The following ZNF609 variants were observed in gnomAD, a reference collection of about 807,000 sequenced individuals.
ZNF609 encodes zinc finger protein 609.
In ZNF609, 11 loss-of-function variants were observed where a neutral mutation model predicts 109.5. That is an observed-to-expected ratio of 0.10 (90% CI 0.06 to 0.17). ZNF609 has a LOEUF of 0.17. Among genes scored for constraint, ZNF609 ranks in the 10% least tolerant of loss-of-function variants. The pLI is 1.00. For missense variants in ZNF609, 1,559 were observed against 1,772.4 expected (o/e 0.88, Z 2.16); for synonymous variants, 646 against 662.0 (o/e 0.98, Z 0.37).
chr15:64,602,889 ATTTTTTTTTTTTTTT>A (rs10600562), intron 2 of ZNF609, among the ~76,000 whole-genome samples: 2 of 75,166 alleles, frequency 2.7e-5, no homozygotes, highest in East Asian at 3.8e-4. Context: ...CTCTGGGCTA[ATTTTTTTTTTTTTTT>A]TTTTTTTTTT....
At chr15:64,580,084 T>C (rs188631405) in intron 2 of ZNF609, among the ~76,000 whole-genome samples, 1 of 152,262 alleles carries the variant, frequency 6.6e-6, no homozygotes, top group East Asian at 1.9e-4. Flanking sequence ...CAAGGGTTCT[T>C]GTAAGGGAAG....
chr15:64,587,380 A>G (rs1477459249), intron 2 of ZNF609, among the ~76,000 whole-genome samples: 5 of 34,198 alleles, frequency 1.5e-4, no homozygotes, highest in Non-Finnish European at 6.3e-4. Flanking sequence ...CTAGCAGCAC[A>G]GTACCTATTA....
Position 64,675,850 on chromosome 15 carries a change from C to A in ZNF609, c.2996C>A (p.Thr999Lys), listed in dbSNP as rs370146037. 7 of 1,614,182 alleles carry A rather than the reference C, an allele frequency of 4.3e-6. No homozygotes were observed. In the Admixed American group the frequency reaches 1.0e-4, roughly 23 times the overall value. Reference protein sequence around the residue: ...SYHTHLLSTNTAYRQQYEEQQ... With the variant: ...SYHTHLLSTNKAYRQQYEEQQ... ...CACACCCACCTTCTGAGCACTAACACGGCTTACCGGCAGCAGTACGAAGAA... is the reference window on the plus strand; with the variant it reads ...CACACCCACCTTCTGAGCACTAACAAGGCTTACCGGCAGCAGTACGAAGAA... Residue 999 changes from threonine to lysine, a missense_variant, in exon 5 of 10, where the codon ACG becomes AAG. Thr to Lys is a moderately conservative substitution (Grantham distance 78). This residue lies in a region of ZNF609 where 1,204 missense variants were observed against 1,314.1 expected (regional missense o/e 0.92). Coordinates refer to ENST00000326648, the MANE Select transcript of ZNF609 (RefSeq NM_015042.2).
intron 2 of ZNF609, among the ~76,000 whole-genome samples, chr15:64,568,926 C>T (rs1420494339): frequency 6.6e-6 from 1 of 152,192 alleles, no homozygotes; most frequent in Non-Finnish European, 1.5e-5. Flanking sequence ...GGGGCTTTAA[C>T]ATGATGTGGT....
chr15:64,517,420 A>G (rs1002693323), intron 2 of ZNF609, among the ~76,000 whole-genome samples: 1 of 152,180 alleles, frequency 6.6e-6, no homozygotes, highest in Non-Finnish European at 1.5e-5. Context: ...CAGATCCTAT[A>G]TGGGATGCTT....
chr15:64,543,429 T>C (rs1894304349), intron 2 of ZNF609, among the ~76,000 whole-genome samples: 1 of 151,040 alleles, frequency 6.6e-6, no homozygotes, highest in South Asian at 2.1e-4. Flanking sequence ...TTTCCCTGCC[T>C]TTTTGTTTGT....
chr15:64,651,352 A>T (rs760933114), intron 3 of ZNF609, among the ~76,000 whole-genome samples: 4 of 152,200 alleles, frequency 2.6e-5, no homozygotes, highest in Non-Finnish European at 4.4e-5. Context: ...AAATAATACC[A>T]CAAAACAGCA....
intron 1 of ZNF609, among the ~76,000 whole-genome samples, chr15:64,472,776 G>T (rs1893109532): frequency 6.6e-6 from 1 of 152,114 alleles, no homozygotes; most frequent in South Asian, 2.1e-4. Context: ...GAGCTTGGGA[G>T]GTTGAGGCTG....
At chr15:64,498,836 A>G (rs1893518679) in intron 1 of ZNF609, among the ~76,000 whole-genome samples, 2 of 152,278 alleles carry the variant, frequency 1.3e-5, no homozygotes, top group South Asian at 4.1e-4. Flanking sequence ...AGACCCTGTT[A>G]GAGAGTTTTT....
At chr15:64,479,323 G>A (rs1318371075) in intron 1 of ZNF609, among the ~76,000 whole-genome samples, 17 of 103,522 alleles carry the variant, frequency 1.6e-4, no homozygotes, top group African/African-American at 6.1e-4. Context: ...ACAGAGTCTC[G>A]CCCTGTTGCC....
At chr15:64,594,335 ATT>A (rs35919259) in intron 2 of ZNF609, among the ~76,000 whole-genome samples, 1 of 145,082 alleles carries the variant, frequency 6.9e-6, no homozygotes, top group Non-Finnish European at 1.5e-5. Flanking sequence ...AATGCTCAAA[ATT>A]TTTTTTTTTT....
rs913539252 is a variant in ZNF609 at position 64,553,504 on chromosome 15, A to G, written c.747+53338A>G. Among the ~76,000 whole-genome samples the G allele has an allele frequency of 3.3e-5, 5 of 151,684 alleles. No homozygotes were observed. In the East Asian group the frequency reaches 9.6e-4, roughly 29 times the overall value. On this transcript the variant is annotated intron_variant, in intron 2 of 9. Coordinates refer to ENST00000326648, the MANE Select transcript of ZNF609 (RefSeq NM_015042.2). ...ATTTTATGTTTTGAGGCTATTGTAA[A>G]TGGTATTTTTAAAATTCAGTTTCTG... is the stretch of plus-strand genomic sequence containing the variant.
Position 64,477,689 on chromosome 15 carries a change from C to T in ZNF609, c.-128+16851C>T, listed in dbSNP as rs547346508. On this transcript the variant is annotated intron_variant, in intron 1 of 9. Coordinates refer to ENST00000326648, the MANE Select transcript of ZNF609 (RefSeq NM_015042.2). Reference sequence around the variant, plus strand: ...TGTCACCCAGGCTGGAGTGCAGTGGCGCGATCTCAGCTCACTGCAACATCT... The same window carrying T: ...TGTCACCCAGGCTGGAGTGCAGTGGTGCGATCTCAGCTCACTGCAACATCT... Among the ~76,000 whole-genome samples the T allele has an allele frequency of 1.4e-3, 209 of 149,212 alleles. 2 individuals are homozygous for T. Among genetic ancestry groups the T allele is most frequent in the African/African-American group, 5.1e-3 (206 of 40,484 alleles).
intron 3 of ZNF609, among the ~76,000 whole-genome samples, chr15:64,625,379 G>C (rs1895936320): frequency 6.6e-6 from 1 of 152,070 alleles, no homozygotes; most frequent in South Asian, 2.1e-4. Context: ...AAAAAGCTGG[G>C]TATGGTGGCG....
At chr15:64,510,544 A>G (rs1479407558) in intron 2 of ZNF609, among the ~76,000 whole-genome samples, 3 of 152,030 alleles carry the variant, frequency 2.0e-5, no homozygotes, top group Admixed American at 6.6e-5. Context: ...TACTGTGTCT[A>G]ATTTATAAAT....
At position 64,529,518 on chromosome 15, in the gene ZNF609, A is replaced by G. The variant is rs1595708750; in HGVS notation, c.747+29352A>G. 6 of 1,147,274 alleles carry G rather than the reference A, an allele frequency of 5.2e-6. No individual in the cohort carries two copies. The East Asian group carries it at 1.4e-4, about 27-fold the overall frequency. The allele number at this position is 1,147,274 out of a possible 1,614,324, so 71.1% of individuals were successfully genotyped here. On this transcript the variant is annotated intron_variant, in intron 2 of 9. Transcript: ENST00000326648. ...CGGTGCCATGGAATTTGCCATGTGT[A>G]GAATCATACAGGAACATGTAGACCA...
chr15:64,564,837 C>G (rs1894748457), intron 2 of ZNF609, among the ~76,000 whole-genome samples: 1 of 149,730 alleles, frequency 6.7e-6, no homozygotes. Context: ...ACATTGCTCA[C>G]TAACTGTTTT....
At chr15:64,529,382 T>C in intron 2 of ZNF609, 1 of 741,212 alleles carries the variant, frequency 1.3e-6, no homozygotes, top group Non-Finnish European at 2.5e-6. Flanking sequence ...CAGTGAACTC[T>C]ACGACGTACT....
intron 1 of ZNF609, among the ~76,000 whole-genome samples, chr15:64,474,925 C>T (rs1373709201): frequency 2.0e-5 from 3 of 152,002 alleles, no homozygotes; most frequent in Non-Finnish European, 2.9e-5. Flanking sequence ...CCTTCCTCAA[C>T]CTTATTTCAT....
Sources: allele counts gnomAD v4.1 joint callset (sites outside exome capture counted in the v4.1 genomes callset), GRCh38; gene constraint gnomAD v4.1.1; regional missense constraint gnomAD v4.1.1; transcripts MANE v1.5; gene names NCBI Gene and HGNC (gene_info 2026-07-23, HGNC 2026-07-21).